PTBP2: variants seen among roughly 807,000 people sequenced by gnomAD.
PTBP2 encodes the protein polypyrimidine tract-binding protein 2.
PTBP2 carries 13 observed loss-of-function variants against 61.4 expected under a neutral mutation model. The observed-to-expected ratio is 0.21, with a 90% CI of 0.14 to 0.34. The LOEUF is 0.34. Ranked by LOEUF, PTBP2 falls within the 10% of genes least tolerant of loss-of-function variation. The pLI, the probability that PTBP2 is intolerant of heterozygous loss-of-function variation, is 1.00. For synonymous variants in PTBP2, 215 were observed against 218.5 expected, an observed-to-expected ratio of 0.98 and a Z score of 0.14; for missense variants, 405 against 642.6, an observed-to-expected ratio of 0.63 and a Z score of 4.00.
rs1315868849 is a variant in PTBP2 at position 96,746,857 on chromosome 1, CCCTCCGTCCGTCTG to C, written c.40-4567_40-4554del. 5.5e-4 allele frequency among the ~76,000 whole-genome samples: 63 copies of C among 113,856 alleles called. 5 individuals are homozygous for C. The East Asian group carries it at 0.011, about 20-fold the overall frequency. The allele number at this position is 113,856 out of a possible 152,430, so 74.7% of individuals were successfully genotyped here. A position where few individuals can be genotyped will look rare whatever the true frequency, so the allele number is the denominator to read the frequency against. On this transcript the variant is annotated intron_variant, in intron 2 of 13. Coordinates refer to ENST00000674951, the MANE Select transcript of PTBP2 (RefSeq NM_021190.4). ...TCTGTCTCCCTCCCTCCCTCCCCCT[CCCTCCGTCCGTCTG>C]TCCCTCCCTCCCTCCCTCCCTCCCT...
At chr1:96,795,699 A>G (rs550636429) in intron 8 of PTBP2, among the ~76,000 whole-genome samples, 1 of 152,310 alleles carries the variant, frequency 6.6e-6, no homozygotes, top group Non-Finnish European at 1.5e-5. Context: ...GGAATTAAGG[A>G]TATAAACGTG....
intron 7 of PTBP2, among the ~76,000 whole-genome samples, chr1:96,783,475 T>TG (rs1270935432): frequency 2.6e-5 from 4 of 152,058 alleles, no homozygotes; most frequent in Admixed American, 2.0e-4. Context: ...ACCTCAGTAT[T>TG]GCTGGGAAAG....
At chr1:96,768,962 T>G (rs578259764) in intron 3 of PTBP2, among the ~76,000 whole-genome samples, 19 of 152,156 alleles carry the variant, frequency 1.2e-4, no homozygotes, top group South Asian at 8.3e-4. Flanking sequence ...TCAGGTAAAA[T>G]TATAATCTTC....
chr1:96,782,245 CAT>C (rs1658760919), intron 7 of PTBP2, among the ~76,000 whole-genome samples: 1 of 151,880 alleles, frequency 6.6e-6, no homozygotes, highest in South Asian at 2.1e-4. Context: ...TTTATTTTAA[CAT>C]ATAAGTGGGT....
chr1:96,789,793 T>C (rs1005804009), intron 8 of PTBP2, among the ~76,000 whole-genome samples: 1 of 152,124 alleles, frequency 6.6e-6, no homozygotes, highest in African/African-American at 2.4e-5. Flanking sequence ...ATTCAGTTTT[T>C]CTTTTGTGTT....
chr1:96,751,862 C>T (rs1224566100), intron 3 of PTBP2, among the ~76,000 whole-genome samples: 1 of 151,780 alleles, frequency 6.6e-6, no homozygotes, highest in African/African-American at 2.4e-5. Context: ...GCCACAAACC[C>T]TAAAACCCAA....
At chr1:96,744,224 A>G (rs923344483) in intron 2 of PTBP2, among the ~76,000 whole-genome samples, 7 of 152,186 alleles carry the variant, frequency 4.6e-5, no homozygotes, top group Admixed American at 2.6e-4. Context: ...ATTCCATCTA[A>G]AAACAAAACC....
intron 11 of PTBP2, among the ~76,000 whole-genome samples, chr1:96,812,455 G>A (rs937019228): frequency 1.3e-5 from 2 of 152,102 alleles, no homozygotes; most frequent in African/African-American, 4.8e-5. Context: ...TATACGATTT[G>A]TTAGCAGGAT....
downstream of PTBP2, chr1:96,816,983 TTACTAGTTTCA>T (rs1174958510): frequency 6.6e-6 from 1 of 152,146 alleles, no homozygotes; most frequent in African/African-American, 2.4e-5. Flanking sequence ...TTAAAATTAT[TTACTAGTTTCA>T]TAAAGCAGAA....
intron 2 of PTBP2, among the ~76,000 whole-genome samples, chr1:96,748,295 T>G (rs1235830391): frequency 6.6e-6 from 1 of 152,146 alleles, no homozygotes; most frequent in Non-Finnish European, 1.5e-5. Flanking sequence ...CTCTTCCACC[T>G]GAAAGTGATA....
At chr1:96,769,230 C>G (rs1383632519) in intron 3 of PTBP2, among the ~76,000 whole-genome samples, 1 of 151,934 alleles carries the variant, frequency 6.6e-6, no homozygotes, top group African/African-American at 2.4e-5. Context: ...TGTTACTGTT[C>G]TGAATACTGG....
intron 3 of PTBP2, among the ~76,000 whole-genome samples, chr1:96,755,424 C>T (rs1329253782): frequency 6.6e-6 from 1 of 152,132 alleles, no homozygotes; most frequent in Non-Finnish European, 1.5e-5. Context: ...AATCGTAGTA[C>T]TTTGGAAAAC....
At chr1:96,724,073 A>G (rs922642694) in intron 2 of PTBP2, among the ~76,000 whole-genome samples, 9 of 152,200 alleles carry the variant, frequency 5.9e-5, no homozygotes, top group African/African-American at 2.2e-4. Flanking sequence ...GTTAGCTTCA[A>G]ATTTGAATTA....
downstream of PTBP2, chr1:96,817,782 A>G (rs1662539428): frequency 6.6e-6 from 1 of 152,090 alleles, no homozygotes; most frequent in Non-Finnish European, 1.5e-5. Context: ...TTGCTTTTCA[A>G]GAGGAATTTG....
chr1:96,822,997 G>C (rs1172282770), exon 14 of PTBP2: 1 of 147,322 alleles, frequency 6.8e-6, no homozygotes, highest in African/African-American at 2.5e-5. Context: ...GTCTTGCTCT[G>C]TTGCCCAGGC....
chr1:96,746,022 C>T (rs183047000), intron 2 of PTBP2, among the ~76,000 whole-genome samples: 7 of 151,132 alleles, frequency 4.6e-5, no homozygotes, highest in African/African-American at 1.5e-4. Context: ...GCTGAGACCG[C>T]GCCATTACAC....
intron 10 of PTBP2, 45 bp downstream of exon 10, chr1:96,806,497 TG>T (rs1661505687): frequency 6.4e-7 from 1 of 1,558,068 alleles, no homozygotes. Context: ...ATTTGATTTT[TG>T]TTTCACCTTA....
chr1:96,794,184 C>T (rs918937911), intron 8 of PTBP2, among the ~76,000 whole-genome samples: 1 of 152,112 alleles, frequency 6.6e-6, no homozygotes, highest in African/African-American at 2.4e-5. Context: ...ACTTGAAGAC[C>T]TCTCTTGTAT....
intron 7 of PTBP2, among the ~76,000 whole-genome samples, chr1:96,779,712 C>T (rs559944066): frequency 6.5e-4 from 99 of 152,194 alleles, no homozygotes; most frequent in Non-Finnish European, 9.7e-4. Context: ...TCACACTTCA[C>T]TTATTACAGA....
Sources: gnomAD v4.1 joint callset for allele counts (sites outside exome capture counted in the v4.1 genomes callset) on GRCh38, gnomAD v4.1.1 for gene constraint, MANE v1.5 for transcripts, NCBI Gene and HGNC (gene_info 2026-07-23, HGNC 2026-07-21) for gene names.